KANK1: variants seen among roughly 807,000 people sequenced by gnomAD.
KANK1 encodes the protein KN motif and ankyrin repeat domains 1, also known as KN motif and ankyrin repeat domain-containing protein 1.
KANK1 carries 109 observed loss-of-function variants against 106.2 expected under a neutral mutation model. The ratio of observed to expected loss-of-function variants is 1.03; its 90% CI spans 0.88 to 1.20. KANK1 has a LOEUF of 1.20. Among genes scored for constraint, KANK1 ranks in the 50% most tolerant of loss-of-function variants. The pLI, the probability that KANK1 is intolerant of heterozygous loss-of-function variation, is 0.00. For missense variants in KANK1, 2,399 were observed against 1,710.7 expected (o/e 1.40, Z -7.10); for synonymous variants, 873 against 652.2 (o/e 1.34, Z -5.16).
At position 718,797 on chromosome 9, in the gene KANK1, A is replaced by G. The variant is rs1381280036; in HGVS notation, c.2698+5333A>G. 2.0e-5 allele frequency among the ~76,000 whole-genome samples: 3 copies of G among 152,168 alleles called. No homozygotes were observed. The East Asian group carries it at 5.8e-4, about 29-fold the overall frequency. On this transcript the variant is annotated intron_variant, in intron 3 of 11. Transcript: ENST00000382297. ...GCTGAGGTCTGAGAGGAGAGCGTAG[A>G]AACAACATATTTGTCCTTTCTCCTC... is the stretch of plus-strand genomic sequence containing the variant.
intron 2 of KANK1, chr9:686,821 A>C (rs1025750288): frequency 2.0e-6 from 2 of 985,218 alleles, no homozygotes; most frequent in Non-Finnish European, 2.4e-6. Context: ...GGAACATGCT[A>C]GGATGTTACT....
At position 732,450 on chromosome 9, in the gene KANK1, T is replaced by A; in HGVS notation, c.3078T>A (p.Asp1026Glu). 6.2e-7 allele frequency: 1 copy of A among 1,614,146 alleles called. No homozygotes were observed. Among genetic ancestry groups the A allele is most frequent in the Non-Finnish European group, 8.5e-7 (1 of 1,180,024 alleles). Residue 1026 changes from aspartate to glutamate, a missense_variant, in exon 6 of 12, where the codon GAT becomes GAA. Physicochemically the swap from Asp to Glu is conservative, Grantham distance 45. Coordinates refer to ENST00000382297, the MANE Select transcript of KANK1 (RefSeq NM_015158.5). Reference sequence around the variant, plus strand: ...CTTCCGAGTCAGATGACGAGTGTGATGTCATTGAGTATCCTCTTGAAGAAG... The same window carrying A: ...CTTCCGAGTCAGATGACGAGTGTGAAGTCATTGAGTATCCTCTTGAAGAAG... ...SSSSESDDECDVIEYPLEEEE... is the reference protein window; with the variant it reads ...SSSSESDDECEVIEYPLEEEE...
In KANK1 at chr9:681,814, C is replaced by G. The variant is rs532049291; in HGVS notation, c.37+4805C>G. ...GTTAAATGACATAAATGGATGAGCA[C>G]TGGGAGGTGACTTTTTATGCCTGCT... On this transcript the variant is annotated intron_variant, in intron 2 of 11. Coordinates refer to ENST00000382297, the MANE Select transcript of KANK1 (RefSeq NM_015158.5). Among the ~76,000 whole-genome samples the G allele has an allele frequency of 2.0e-5, 3 of 152,232 alleles. No individual in the cohort carries two copies. The South Asian group carries it at 6.2e-4, about 32-fold the overall frequency.
chr9:535,268 G>GT (rs565220130), intron 1 of KANK1, among the ~76,000 whole-genome samples: 9 of 152,106 alleles, frequency 5.9e-5, no homozygotes, highest in Non-Finnish European at 1.3e-4. Context: ...TGCCTTTGAT[G>GT]TATGTGGCTT....
intron 1 of KANK1, among the ~76,000 whole-genome samples, chr9:659,332 T>C (rs922640420): frequency 5.3e-5 from 8 of 152,204 alleles, no homozygotes; most frequent in African/African-American, 1.9e-4. Flanking sequence ...ATAGGGATTT[T>C]GAGAACTTTT....
chr9:609,376 C>T (rs1830061481), intron 1 of KANK1, among the ~76,000 whole-genome samples: 1 of 152,128 alleles, frequency 6.6e-6, no homozygotes, highest in Non-Finnish European at 1.5e-5. Flanking sequence ...GCCTGTAATC[C>T]CAGCACTTTG....
chr9:625,880 T>C (rs1834222894), intron 1 of KANK1, among the ~76,000 whole-genome samples: 1 of 152,054 alleles, frequency 6.6e-6, no homozygotes, highest in Non-Finnish European at 1.5e-5. Flanking sequence ...CATTTCCCGG[T>C]TTTAACCACT....
upstream of KANK1, among the ~76,000 whole-genome samples, chr9:504,452 A>C (rs536347105): frequency 1.9e-3 from 284 of 151,540 alleles, 1 homozygote; most frequent in African/African-American, 6.2e-3. Context: ...CCGCGGTACA[A>C]AGAGCGCCCC....
At chr9:556,834 C>G (rs1563764207) in intron 1 of KANK1, among the ~76,000 whole-genome samples, 1 of 152,128 alleles carries the variant, frequency 6.6e-6, no homozygotes, top group Non-Finnish European at 1.5e-5. Context: ...GTTACAGACT[C>G]ACTTAGGGCT....
rs2060908689 is a variant in KANK1, at chr9:545,989, C to A, written c.-84+41235C>A. 2.0e-5 allele frequency among the ~76,000 whole-genome samples: 3 copies of A among 152,004 alleles called. No homozygotes were observed. In the South Asian group the frequency reaches 6.2e-4, roughly 32 times the overall value. On this transcript the variant is annotated intron_variant, in intron 1 of 11. Transcript: ENST00000382297. Reference sequence around the variant, plus strand: ...TCTCGAACTCCTGACCTCAAGTGATCCACCCGCCTTGGCCTCCAAAGTGCT... The same window carrying A: ...TCTCGAACTCCTGACCTCAAGTGATACACCCGCCTTGGCCTCCAAAGTGCT...
intron 1 of KANK1, among the ~76,000 whole-genome samples, chr9:518,674 T>C (rs559551537): frequency 1.3e-5 from 2 of 151,742 alleles, no homozygotes; most frequent in Admixed American, 6.5e-5. Flanking sequence ...ATTTCCTGAC[T>C]ATAAAACTCC....
At position 734,763 on chromosome 9, in the gene KANK1, A is replaced by G. The variant is rs765867735; in HGVS notation, c.3261A>G (p.Glu1087=). Residue 1087 remains glutamate (E), a synonymous_variant, in exon 7 of 12, where the codon GAA becomes GAG. Transcript: ENST00000382297. ...VEIRERYELS[E]KMLSACNLLK... ...CTCCTTTCAGGTATGAATTAAGTGA[A>G]AAGATGTTGTCTGCATGCAACTTAC... The G allele has an allele frequency of 7.4e-6, 12 of 1,611,394 alleles. No individual in the cohort carries two copies. The highest frequency in any genetic ancestry group is 1.0e-5 in the Non-Finnish European group (12 of 1,177,476).
chr9:600,709 C>T (rs1281328443), intron 1 of KANK1, among the ~76,000 whole-genome samples: 1 of 151,792 alleles, frequency 6.6e-6, no homozygotes, highest in Non-Finnish European at 1.5e-5. Flanking sequence ...ATTATCCCTC[C>T]ACCCATTGCT....
intron 1 of KANK1, among the ~76,000 whole-genome samples, chr9:604,101 A>C (rs1828481075): frequency 6.6e-6 from 1 of 151,750 alleles, no homozygotes; most frequent in Non-Finnish European, 1.5e-5. Context: ...AGTTCATAAT[A>C]AATTAGTGTC....
At chr9:541,611 C>G (rs901962489) in intron 1 of KANK1, among the ~76,000 whole-genome samples, 1 of 151,738 alleles carries the variant, frequency 6.6e-6, no homozygotes, top group African/African-American at 2.4e-5. Flanking sequence ...CAAACATAGA[C>G]AAATGGGATT....
rs912445832 is a variant in KANK1, at chr9:491,354, G to A, written c.-362+18081G>A. The stretch of plus-strand genomic sequence containing the variant: ...ATGATCTCAGCTCACTGCAACCTCC[G>A]CCTCCCGGGTTCAAGCAATTCTCCT... On this transcript the variant is annotated intron_variant, in intron 3 of 15. Coordinates refer to the KANK1 transcript ENST00000382303. 3.3e-5 allele frequency among the ~76,000 whole-genome samples: 5 copies of A among 150,944 alleles called. No individual in the cohort carries two copies. The South Asian group carries it at 6.3e-4, about 19-fold the overall frequency.
intron 10 of KANK1, among the ~76,000 whole-genome samples, chr9:744,167 T>C (rs1480421811): frequency 1.4e-5 from 2 of 144,686 alleles, no homozygotes; most frequent in Non-Finnish European, 3.0e-5. Context: ...ACACTACTGC[T>C]GCTTGCCTGG....
Position 732,636 on chromosome 9 carries a change from C to T in KANK1, c.3245+19C>T, listed in dbSNP as rs1832634528. ...GAGAGAGGTGTGGTACATTCCCCTTCCCTCCCTTGCCCCTCCCACATTTAA... is the reference window on the plus strand; with the variant it reads ...GAGAGAGGTGTGGTACATTCCCCTTTCCTCCCTTGCCCCTCCCACATTTAA... On this transcript the variant is annotated intron_variant, in intron 6 of 11. Coordinates refer to ENST00000382297, the MANE Select transcript of KANK1 (RefSeq NM_015158.5). 3 of 1,605,854 alleles carry T rather than the reference C, an allele frequency of 1.9e-6. No individual in the cohort carries two copies. The highest frequency in any genetic ancestry group is 2.6e-6 in the Non-Finnish European group (3 of 1,173,856).
At chr9:606,234 T>C (rs909669294) in intron 1 of KANK1, among the ~76,000 whole-genome samples, 2 of 151,094 alleles carry the variant, frequency 1.3e-5, no homozygotes, top group East Asian at 1.9e-4. Context: ...TTATATAATA[T>C]GTAAAATTTT....
Sources: allele counts gnomAD v4.1 joint callset (sites outside exome capture counted in the v4.1 genomes callset), GRCh38; gene constraint gnomAD v4.1.1; transcripts MANE v1.5; gene names NCBI Gene and HGNC (gene_info 2026-07-23, HGNC 2026-07-21).